Variants in IPO9 observed in about 807,000 individuals in gnomAD.
IPO9 encodes importin-9.
Under a neutral mutation model 128.6 loss-of-function variants are expected in IPO9, and 28 were observed. The ratio of observed to expected loss-of-function variants is 0.22; its 90% CI spans 0.16 to 0.30. The LOEUF is 0.30. Ranked by LOEUF, IPO9 falls within the 10% of genes least tolerant of loss-of-function variation. The pLI is 1.00. For missense variants in IPO9, 935 were observed against 1,293.9 expected, an observed-to-expected ratio of 0.72 and a Z score of 4.26; for synonymous variants, 455 against 475.8, an observed-to-expected ratio of 0.96 and a Z score of 0.57.
At chr1:201,874,494 C>G in intron 21 of IPO9, 122 bp downstream of exon 21, 1 of 1,102,474 alleles carries the variant, frequency 9.1e-7, no homozygotes, top group Non-Finnish European at 1.3e-6. Context: ...AATGGCTGCT[C>G]TGTGGCTGGC....
At position 201,871,182 on chromosome 1, in the gene IPO9, C is replaced by T. The variant is rs1326420358; in HGVS notation, c.2431C>T (p.His811Tyr). The change falls in exon 19 of 24, where the codon CAT (histidine) becomes TAT (tyrosine). Residue 811 changes from histidine (H) to tyrosine (Y), a missense_variant. His to Tyr is a moderately conservative substitution (Grantham distance 83). This residue lies in a region of IPO9 where 741 missense variants were observed against 1,019.1 expected (regional missense o/e 0.73). Transcript: ENST00000361565. Reference sequence around the variant, plus strand: ...CTAGTCCCTGATCATGGTGTTCGCTCATCTGGTGCACACTCAGCTAGAACC... The same window carrying T: ...CTAGTCCCTGATCATGGTGTTCGCTTATCTGGTGCACACTCAGCTAGAACC... ...VMQSLIMVFA[H>Y]LVHTQLEPLL... is the part of the protein sequence containing the mutation. 1 of 1,613,384 alleles carries T rather than the reference C, an allele frequency of 6.2e-7. No individual in the cohort carries two copies. The highest frequency in any genetic ancestry group is 8.5e-7 in the Non-Finnish European group (1 of 1,179,802).
chr1:201,834,201 T>G (rs61821756), intron 1 of IPO9, among the ~76,000 whole-genome samples: 1 of 133,784 alleles, frequency 7.5e-6, no homozygotes, highest in African/African-American at 2.6e-5. Flanking sequence ...AAAAAACTTT[T>G]CTTTTCTTTT....
chr1:201,874,793 A>C, intron 21 of IPO9, 39 bp from the exon 22 acceptor site: 1 of 1,396,244 alleles, frequency 7.2e-7, no homozygotes, highest in Non-Finnish European at 1.0e-6. Context: ...AAAATGCATG[A>C]ATGTGCTCTA....
At chr1:201,871,982 C>T (rs1358647104) in intron 19 of IPO9, among the ~76,000 whole-genome samples, 1 of 152,138 alleles carries the variant, frequency 6.6e-6, no homozygotes, top group African/African-American at 2.4e-5. Flanking sequence ...CACCTATAAT[C>T]CCAGCACTTT....
chr1:201,834,981 A>T (rs1299935238), intron 1 of IPO9: 1 of 152,238 alleles, frequency 6.6e-6, no homozygotes, highest in Non-Finnish European at 1.5e-5. Context: ...CCACCTGCGA[A>T]GGGCGCCCCT....
chr1:201,851,164 T>G (rs532869938), intron 4 of IPO9, among the ~76,000 whole-genome samples: 1 of 148,444 alleles, frequency 6.7e-6, no homozygotes, highest in East Asian at 2.0e-4. Context: ...TGCAGACACA[T>G]GCCACCACAT....
chr1:201,873,771 G>A (rs1680704824), intron 20 of IPO9, among the ~76,000 whole-genome samples: 2 of 152,096 alleles, frequency 1.3e-5, no homozygotes, highest in South Asian at 4.1e-4. Context: ...GACAAAAATA[G>A]TCTCAGGCAC....
rs1420624257 is a variant in IPO9, at chr1:201,855,853, C to A, written c.1041C>A (p.Ser347Arg). 6.2e-7 allele frequency: 1 copy of A among 1,612,414 alleles called. No homozygotes were observed. Among genetic ancestry groups the A allele is most frequent in the Non-Finnish European group, 8.5e-7 (1 of 1,179,476 alleles). ...FEFVHALLENSKFKSTVKKAL... is the reference protein window; with the variant it reads ...FEFVHALLENRKFKSTVKKAL... ...TTGTCCATGCTCTACTAGAAAATAG[C>A]AAATTCAAAAGCACTGTTAAGAAAG... is the stretch of plus-strand genomic sequence containing the variant. The change falls in exon 10 of 24, where the codon AGC becomes AGA. Residue 347 changes from serine to arginine, a missense_variant. Around this residue, in one of 3 missense-constraint regions of IPO9, gnomAD observed 741 missense variants for 1,019.1 expected, o/e 0.73. Coordinates refer to ENST00000361565, the MANE Select transcript of IPO9 (RefSeq NM_018085.5).
intron 1 of IPO9, among the ~76,000 whole-genome samples, chr1:201,839,197 G>A (rs888483400): frequency 9.9e-5 from 15 of 151,342 alleles, no homozygotes; most frequent in African/African-American, 3.6e-4. Context: ...TGGGATTACA[G>A]GCGTGAGCCA....
intron 6 of IPO9, among the ~76,000 whole-genome samples, chr1:201,853,979 A>G (rs1680272576): frequency 6.6e-6 from 1 of 151,696 alleles, no homozygotes; most frequent in South Asian, 2.1e-4. Flanking sequence ...CTCGTGATCC[A>G]CCCACCTCGG....
At chr1:201,844,298 T>G (rs931029621) in intron 1 of IPO9, among the ~76,000 whole-genome samples, 3 of 152,206 alleles carry the variant, frequency 2.0e-5, no homozygotes, top group Non-Finnish European at 4.4e-5. Flanking sequence ...CTGGTATTCT[T>G]GCCAAAAATG....
At chr1:201,848,108 G>T (rs1422161027) in intron 3 of IPO9, among the ~76,000 whole-genome samples, 1 of 152,148 alleles carries the variant, frequency 6.6e-6, no homozygotes, top group Non-Finnish European at 1.5e-5. Flanking sequence ...GCTGCATATG[G>T]CTGTTGAGCA....
At chr1:201,841,862 A>G (rs1680042030) in intron 1 of IPO9, among the ~76,000 whole-genome samples, 1 of 152,226 alleles carries the variant, frequency 6.6e-6, no homozygotes, top group East Asian at 1.9e-4. Flanking sequence ...ATGAGTTCAT[A>G]TAGGTATAAA....
chr1:201,870,384 A>C lies in IPO9; in HGVS notation c.2134-199A>C, dbSNP rs1680624567. Among the ~76,000 whole-genome samples, 2 of 152,202 alleles carry C rather than the reference A, an allele frequency of 1.3e-5. No homozygotes were observed. The highest frequency in any genetic ancestry group is 1.3e-4 in the Admixed American group (2 of 15,286). On this transcript the variant is annotated intron_variant, in intron 17 of 23. Coordinates refer to ENST00000361565, the MANE Select transcript of IPO9 (RefSeq NM_018085.5). The surrounding 1 kb of genome is among the most constrained non-coding windows in gnomAD (Gnocchi z 4.9). ...CATTTGTGAGATAGCTGATTAGGTA[A>C]AGGGGGAATTATGTAATGCACGTCT...
chr1:201,839,398 G>A (rs756742614), intron 1 of IPO9, among the ~76,000 whole-genome samples: 6 of 151,642 alleles, frequency 4.0e-5, no homozygotes, highest in African/African-American at 7.3e-5. Flanking sequence ...TGTATTTTTC[G>A]TAGAGACGGG....
intron 4 of IPO9, chr1:201,850,473 G>A (rs1160495612): frequency 6.6e-6 from 1 of 152,184 alleles, no homozygotes; most frequent in Non-Finnish European, 1.5e-5. Context: ...GGCTCATGGT[G>A]TAAAGGAAAT....
At chr1:201,847,733 A>G in intron 3 of IPO9, 95 bp downstream of exon 3, 2 of 879,562 alleles carry the variant, frequency 2.3e-6, no homozygotes, top group Admixed American at 2.0e-5. Context: ...GGAGCAATCA[A>G]AAGACTAGGC....
At chr1:201,832,868 G>T (rs1481195452) in intron 1 of IPO9, among the ~76,000 whole-genome samples, 2 of 152,196 alleles carry the variant, frequency 1.3e-5, no homozygotes, top group Non-Finnish European at 2.9e-5. Context: ...TTAAATGGAA[G>T]AATATCTAAT....
intron 1 of IPO9, among the ~76,000 whole-genome samples, chr1:201,841,478 G>A (rs1680035231): frequency 6.6e-6 from 1 of 152,144 alleles, no homozygotes; most frequent in South Asian, 2.1e-4. Flanking sequence ...ATAAATGGAT[G>A]GATGGCTATA....
Sources: gnomAD v4.1 joint callset for allele counts (sites outside exome capture counted in the v4.1 genomes callset) on GRCh38, gnomAD v4.1.1 for gene constraint, gnomAD v4.1.1 regional missense constraint, Gnocchi (gnomAD v3.1) non-coding constraint, MANE v1.5 for transcripts, NCBI Gene and HGNC (gene_info 2026-07-23, HGNC 2026-07-21) for gene names.